Variants in SHB observed in about 807,000 individuals in gnomAD.
SHB encodes the protein SH2 domain containing adaptor protein B.
Under a neutral mutation model 52.3 loss-of-function variants are expected in SHB, and 20 were observed. The observed-to-expected ratio is 0.38, with a 90% CI of 0.27 to 0.56. The LOEUF (loss-of-function observed/expected upper bound fraction) is 0.56, where lower values mean the gene tolerates loss of function less well. Among genes scored for constraint, SHB ranks in the 20% least tolerant of loss-of-function variants. The probability of loss-of-function intolerance (pLI) is 0.71; values close to 1 mark genes in which losing one functional copy is unlikely to be tolerated. For missense variants in SHB, 825 were observed against 723.3 expected (o/e 1.14, Z -1.61); for synonymous variants, 397 against 316.5 (o/e 1.25, Z -2.70).
chr9:37,931,412 T>C (rs1360107566), intron 5 of SHB, among the ~76,000 whole-genome samples: 4 of 152,106 alleles, frequency 2.6e-5, no homozygotes, highest in African/African-American at 9.7e-5. Flanking sequence ...ATAACCTGAT[T>C]ATAAAATGGG....
chr9:38,048,308 A>G (rs893578165), intron 1 of SHB, among the ~76,000 whole-genome samples: 1 of 152,226 alleles, frequency 6.6e-6, no homozygotes, highest in Non-Finnish European at 1.5e-5. Flanking sequence ...ATTGGAAAAG[A>G]ATACAAATAT....
intron 2 of SHB, among the ~76,000 whole-genome samples, chr9:38,012,342 C>T (rs1022656196): frequency 7.2e-5 from 11 of 152,130 alleles, no homozygotes; most frequent in East Asian, 1.9e-4. Context: ...CCAGCTGGGA[C>T]GTCTTGGGCT....
intron 5 of SHB, among the ~76,000 whole-genome samples, chr9:37,928,625 C>T (rs536398647): frequency 1.3e-5 from 2 of 152,378 alleles, no homozygotes; most frequent in South Asian, 4.1e-4. Context: ...ACACCACTCG[C>T]TAGACGGCCA....
At chr9:37,942,215 C>A (rs772543263) in intron 5 of SHB, among the ~76,000 whole-genome samples, 4 of 152,232 alleles carry the variant, frequency 2.6e-5, no homozygotes, top group Admixed American at 1.3e-4. Context: ...GAGTACCCAG[C>A]AGTCAACACA....
intron 3 of SHB, among the ~76,000 whole-genome samples, chr9:37,972,234 C>T (rs1291022586): frequency 6.6e-6 from 1 of 152,186 alleles, no homozygotes; most frequent in South Asian, 2.1e-4. Flanking sequence ...TTTAATCAAA[C>T]TGGTGTTTGC....
rs543911471 is a variant in SHB at position 37,965,595 on chromosome 9, G to A, written c.1054+9027C>T. ...AAATATCTTTTTTTTTTTTTTTCTC[G>A]AGACGGAGTCTCACTCTGTTGCCCA... On this transcript the variant is annotated intron_variant, in intron 3 of 5. Transcript: ENST00000377707. Among the ~76,000 whole-genome samples the A allele has an allele frequency of 2.8e-4, 36 of 130,332 alleles. No individual in the cohort carries two copies. The East Asian group carries it at 3.7e-3, about 13-fold the overall frequency. 85.5% of individuals were successfully genotyped at this position (130,332 alleles called of 152,430 possible). A position where few individuals can be genotyped will look rare whatever the true frequency, so the allele number is the denominator to read the frequency against.
intron 2 of SHB, among the ~76,000 whole-genome samples, chr9:37,995,058 G>T (rs1037774169): frequency 6.6e-6 from 1 of 152,090 alleles, no homozygotes; most frequent in Non-Finnish European, 1.5e-5. Flanking sequence ...CCACTAGCTG[G>T]GAACCTACAA....
In SHB at chr9:37,924,945, G is replaced by A. The variant is rs575072797; in HGVS notation, c.1347-4941C>T. ...CTCATCTTCCTCTGCTCAGCTACCC[G>A]TTGGCCTCTTTCTGCCCCAAGATCT... On this transcript the variant is annotated intron_variant, in intron 5 of 5. Transcript: ENST00000377707. Among the ~76,000 whole-genome samples the A allele has an allele frequency of 2.0e-5, 3 of 152,278 alleles. No individual in the cohort carries two copies. The East Asian group carries it at 5.8e-4, about 29-fold the overall frequency.
rs1160323377 is a variant in SHB at position 37,917,893 on chromosome 9, T to G, written c.*1928A>C. 6.6e-6 allele frequency among the ~76,000 whole-genome samples: 1 copy of G among 152,212 alleles called. No homozygotes were observed. The highest frequency in any genetic ancestry group is 1.5e-5 in the Non-Finnish European group (1 of 68,036). ...TGGGAGGAAGACCCAAGAGGCAGAC[T>G]GGTCACTAAAGGCGGGTCACCAAGG... On this transcript the variant is annotated 3_prime_UTR_variant, in exon 6 of 6. Coordinates refer to ENST00000377707, the MANE Select transcript of SHB (RefSeq NM_003028.3).
Position 37,919,891 on chromosome 9 carries a change from G to A in SHB, c.1460C>T (p.Thr487Ile), listed in dbSNP as rs1832155721. 1 of 1,614,074 alleles carries A rather than the reference G, an allele frequency of 6.2e-7. No individual in the cohort carries two copies. Among genetic ancestry groups the A allele is most frequent in the Non-Finnish European group, 8.5e-7 (1 of 1,179,928 alleles). The change falls in exon 6 of 6, where the codon ACC becomes ATC. Residue 487 changes from threonine (T) to isoleucine (I), a missense_variant. Transcript: ENST00000377707. ...SVPEVIHYYT[T>I]RKLPIKGAEH... ...AGCCCCTTTGATGGGTAGCTTTCTG[G>A]TGGTGTAGTAGTGGATGACTTCCGG...
Position 37,974,720 on chromosome 9 carries a change from CG to C in SHB, c.955del (p.Arg319AspfsTer77). 1 of 1,614,082 alleles carries C rather than the reference CG, an allele frequency of 6.2e-7. No individual in the cohort carries two copies. The highest frequency in any genetic ancestry group is 8.5e-7 in the Non-Finnish European group (1 of 1,179,996). ...DSDSESTVSP[R>X]LRESKLPQDD... Reference sequence around the variant, plus strand: ...CTGGGGCAGCTTGCTCTCCCGCAGTCGGGGGCTGACTGTGCTCTCCGAGTCT... The same window carrying C: ...CTGGGGCAGCTTGCTCTCCCGCAGTCGGGGCTGACTGTGCTCTCCGAGTCT... On this transcript the variant is annotated frameshift_variant, in exon 3 of 6. Coordinates refer to ENST00000377707, the MANE Select transcript of SHB (RefSeq NM_003028.3). LOFTEE classifies it high-confidence loss of function.
At chr9:38,018,531 C>G (rs1022005674) in intron 1 of SHB, among the ~76,000 whole-genome samples, 1 of 149,728 alleles carries the variant, frequency 6.7e-6, no homozygotes, top group Non-Finnish European at 1.5e-5. Context: ...GTCTAGAATT[C>G]TGTTAGTTTA....
At chr9:38,062,227 G>A (rs1263306526) in intron 1 of SHB, among the ~76,000 whole-genome samples, 1 of 152,194 alleles carries the variant, frequency 6.6e-6, no homozygotes, top group Non-Finnish European at 1.5e-5. Flanking sequence ...GACTGCACTG[G>A]TGTGATCCTT....
intron 1 of SHB, among the ~76,000 whole-genome samples, chr9:38,022,700 T>C (rs886185991): frequency 6.6e-6 from 1 of 152,138 alleles, no homozygotes; most frequent in Non-Finnish European, 1.5e-5. Flanking sequence ...AAGATGACAT[T>C]ACAGAAACAG....
intron 2 of SHB, among the ~76,000 whole-genome samples, chr9:37,986,859 C>T (rs1283686247): frequency 2.0e-5 from 3 of 152,326 alleles, no homozygotes; most frequent in Non-Finnish European, 4.4e-5. Context: ...GGCAGATGTG[C>T]GTCCCAGCTT....
At chr9:37,959,996 A>C (rs538555810) in intron 3 of SHB, among the ~76,000 whole-genome samples, 1 of 152,358 alleles carries the variant, frequency 6.6e-6, no homozygotes, top group South Asian at 2.1e-4. Flanking sequence ...GGGAAAAAAA[A>C]ATCGGTTTCA....
chr9:38,015,491 G>A (rs1433235223), intron 2 of SHB: 2 of 702,114 alleles, frequency 2.8e-6, no homozygotes, highest in South Asian at 1.5e-5. Flanking sequence ...CTGTCATGTA[G>A]ACCAGGGTTA....
At chr9:37,977,686 A>G (rs985997422) in intron 2 of SHB, among the ~76,000 whole-genome samples, 10 of 152,170 alleles carry the variant, frequency 6.6e-5, no homozygotes, top group African/African-American at 2.4e-4. Context: ...CTAATCTGCA[A>G]CTTATTGTCT....
chr9:37,934,434 G>A (rs1181037101), intron 5 of SHB, among the ~76,000 whole-genome samples: 1 of 152,060 alleles, frequency 6.6e-6, no homozygotes, highest in Non-Finnish European at 1.5e-5. Flanking sequence ...AGTAGTTTAG[G>A]ATTACAGGTG....
Sources: gnomAD v4.1 joint callset for allele counts (sites outside exome capture counted in the v4.1 genomes callset) on GRCh38, gnomAD v4.1.1 for gene constraint, MANE v1.5 for transcripts, NCBI Gene and HGNC (gene_info 2026-07-23, HGNC 2026-07-21) for gene names.